SLC25A31: variants seen among roughly 807,000 people sequenced by gnomAD.
SLC25A31 encodes the protein ADP/ATP translocase 4.
SLC25A31 carries 40 observed loss-of-function variants against 36.2 expected under a neutral mutation model. That is an observed-to-expected ratio of 1.10 (90% CI 0.86 to 1.44). The LOEUF (loss-of-function observed/expected upper bound fraction) is 1.44. Ranked by LOEUF, SLC25A31 falls within the 40% of genes most tolerant of loss-of-function variation. The probability of loss-of-function intolerance (pLI) is 0.00; values close to 1 mark genes in which losing one functional copy is unlikely to be tolerated. For synonymous variants in SLC25A31, 143 were observed against 149.7 expected, an observed-to-expected ratio of 0.96 and a Z score of 0.32; for missense variants, 350 against 397.1, an observed-to-expected ratio of 0.88 and a Z score of 1.01.
In SLC25A31 at chr4:127,730,522, C is replaced by A; in HGVS notation, c.-24C>A. ...CCGTACTCATTTTTAGCCACTGCTGCCGGTTTTTATATCCTTCTCCATCAT... is the reference window on the plus strand; with the variant it reads ...CCGTACTCATTTTTAGCCACTGCTGACGGTTTTTATATCCTTCTCCATCAT... On this transcript the variant is annotated 5_prime_UTR_variant, in exon 1 of 6. It introduces an in-frame stop codon into an upstream open reading frame of the 5' UTR. Coordinates refer to ENST00000281154, the MANE Select transcript of SLC25A31 (RefSeq NM_031291.4). The A allele has an allele frequency of 6.2e-7, 1 of 1,604,444 alleles. No homozygotes were observed. Among genetic ancestry groups the A allele is most frequent in the Non-Finnish European group, 8.5e-7 (1 of 1,171,924 alleles).
chr4:127,759,225 T>TG (rs535572823), intron 2 of SLC25A31, among the ~76,000 whole-genome samples: 1 of 152,018 alleles, frequency 6.6e-6, no homozygotes, highest in Non-Finnish European at 1.5e-5. Flanking sequence ...TTTTTTTTTT[T>TG]TGTGGCTACT....
intron 2 of SLC25A31, among the ~76,000 whole-genome samples, chr4:127,755,255 T>A (rs1407877565): frequency 6.6e-6 from 1 of 152,084 alleles, no homozygotes; most frequent in African/African-American, 2.4e-5. Flanking sequence ...GCACAAGTAA[T>A]AAAAGCAAAA....
chr4:127,737,491 T>C (rs1331842650), intron 1 of SLC25A31, among the ~76,000 whole-genome samples: 3 of 152,210 alleles, frequency 2.0e-5, no homozygotes, highest in Admixed American at 2.0e-4. Flanking sequence ...CCAGATGTCT[T>C]TATCATTAAA....
chr4:127,737,243 T>A (rs2148753289), intron 1 of SLC25A31, among the ~76,000 whole-genome samples: 1 of 152,352 alleles, frequency 6.6e-6, no homozygotes, highest in African/African-American at 2.4e-5. Flanking sequence ...TGAGATTTTA[T>A]ATTTTTTCTG....
chr4:127,752,011 C>T (rs1206447633), intron 2 of SLC25A31, among the ~76,000 whole-genome samples: 6 of 152,120 alleles, frequency 3.9e-5, no homozygotes, highest in Admixed American at 1.3e-4. Flanking sequence ...GACAGTGTGG[C>T]GATTCCTCAA....
chr4:127,730,806 C>T (rs774556768), intron 1 of SLC25A31, 29 bp downstream of exon 1: 1 of 1,582,990 alleles, frequency 6.3e-7, no homozygotes, highest in South Asian at 1.1e-5. Flanking sequence ...CCCCGACAGC[C>T]TCTCCCGGCG....
chr4:127,735,203 T>C (rs1240535025), intron 1 of SLC25A31, among the ~76,000 whole-genome samples: 1 of 152,190 alleles, frequency 6.6e-6, no homozygotes, highest in East Asian at 1.9e-4. Flanking sequence ...GACAGTCTAA[T>C]TGGACCTGAG....
rs577437631 is a variant in SLC25A31, at chr4:127,770,365, G to A, written c.759+1488G>A. On this transcript the variant is annotated intron_variant, in intron 5 of 5. Transcript: ENST00000281154. ...ACTTGAGCCAGGCACTGTGGCTCAC[G>A]CCTGTAATCCCAACACTTTGGGAGG... Among the ~76,000 whole-genome samples, 5 of 152,258 alleles carry A rather than the reference G, an allele frequency of 3.3e-5. No homozygotes were observed. In the East Asian group the frequency reaches 7.7e-4, roughly 23 times the overall value.
At chr4:127,747,587 T>C (rs1293434255) in intron 2 of SLC25A31, among the ~76,000 whole-genome samples, 1 of 152,218 alleles carries the variant, frequency 6.6e-6, no homozygotes, top group Non-Finnish European at 1.5e-5. Flanking sequence ...CTCTGATCCC[T>C]AGTTTCCTCT....
intron 3 of SLC25A31, among the ~76,000 whole-genome samples, chr4:127,764,721 C>T (rs576115746): frequency 7.9e-5 from 12 of 152,218 alleles, no homozygotes; most frequent in South Asian, 6.2e-4. Flanking sequence ...CCCTTTGCCT[C>T]TATCCTTACT....
intron 4 of SLC25A31, among the ~76,000 whole-genome samples, chr4:127,768,390 C>T (rs1056591348): frequency 1.3e-5 from 2 of 151,950 alleles, no homozygotes; most frequent in Non-Finnish European, 2.9e-5. Flanking sequence ...TAAAGCTGCC[C>T]ATCAAATATG....
intron 1 of SLC25A31, 83 bp downstream of exon 1, chr4:127,730,860 G>A (rs1731511221): frequency 7.7e-7 from 1 of 1,303,598 alleles, no homozygotes; most frequent in Non-Finnish European, 1.1e-6. Context: ...GGAGGGGCAT[G>A]ATTGTGGGCC....
rs773420489 is a variant in SLC25A31 at position 127,730,633 on chromosome 4, G to A, written c.88G>A (p.Ala30Thr). 4 of 1,613,974 alleles carry A rather than the reference G, an allele frequency of 2.5e-6. No individual in the cohort carries two copies. Among genetic ancestry groups the A allele is most frequent in the East Asian group, 2.2e-5 (1 of 44,884 alleles). The change falls in exon 1 of 6, where the codon GCG becomes ACG. Residue 30 changes from alanine (A) to threonine (T), a missense_variant. Coordinates refer to ENST00000281154, the MANE Select transcript of SLC25A31 (RefSeq NM_031291.4). Reference sequence around the variant, plus strand: ...GAAGGACCTTCTGGCCGGCGGAGTCGCGGCAGCTGTGTCCAAGACAGCGGT... The same window carrying A: ...GAAGGACCTTCTGGCCGGCGGAGTCACGGCAGCTGTGTCCAAGACAGCGGT... ...FGKDLLAGGV[A>T]AAVSKTAVAP...
chr4:127,739,893 A>G (rs940787780), intron 1 of SLC25A31, among the ~76,000 whole-genome samples: 5 of 151,748 alleles, frequency 3.3e-5, no homozygotes, highest in African/African-American at 1.2e-4. Flanking sequence ...GTATTTTGAA[A>G]TTTCTTAAGT....
At chr4:127,757,234 A>G (rs944539488) in intron 2 of SLC25A31, among the ~76,000 whole-genome samples, 10 of 152,174 alleles carry the variant, frequency 6.6e-5, no homozygotes, top group African/African-American at 1.9e-4. Flanking sequence ...GAACCCATCA[A>G]CCAAATAGTC....
chr4:127,773,515 G>A lies in SLC25A31; in HGVS notation c.889G>A (p.Val297Met). Residue 297 changes from valine to methionine, a missense_variant, in exon 6 of 6, where the codon GTG becomes ATG. By Grantham distance (21) the Val-to-Met change is conservative. Transcript: ENST00000281154. ...TCTTCGCGGTACAGGGGGTGCTTTG[G>A]TGTTGGTATTATATGATAAAATTAA... ...NVLRGTGGALVLVLYDKIKEF... is the reference protein window; with the variant it reads ...NVLRGTGGALMLVLYDKIKEF... 1.2e-6 allele frequency: 2 copies of A among 1,612,376 alleles called. No homozygotes were observed. Among genetic ancestry groups the A allele is most frequent in the Non-Finnish European group, 1.7e-6 (2 of 1,179,440 alleles).
intron 2 of SLC25A31, among the ~76,000 whole-genome samples, chr4:127,748,697 C>A (rs1191564306): frequency 1.3e-5 from 2 of 152,202 alleles, no homozygotes; most frequent in Non-Finnish European, 2.9e-5. Context: ...CCAGCAGCAG[C>A]CATGTGACTT....
intron 2 of SLC25A31, among the ~76,000 whole-genome samples, chr4:127,753,988 T>C (rs1731984275): frequency 6.6e-6 from 1 of 152,182 alleles, no homozygotes; most frequent in Non-Finnish European, 1.5e-5. Flanking sequence ...GATTTATTCC[T>C]GAGAAATAAG....
Position 127,767,163 on chromosome 4 carries a change from A to T in SLC25A31, c.576A>T (p.Ser192=), listed in dbSNP as rs747717670. The T allele has an allele frequency of 3.1e-6, 5 of 1,613,778 alleles. No individual in the cohort carries two copies. Among genetic ancestry groups the T allele is most frequent in the Non-Finnish European group, 4.2e-6 (5 of 1,179,808 alleles). The change falls in exon 4 of 6, where the codon TCA becomes TCT. Residue 192 remains serine, a synonymous_variant. Transcript: ENST00000281154. ...GTTTATACCAAGGGTTTGGTGTTTC[A>T]GTACAGGGCATCATTGTGTACCGAG... ...IAGLYQGFGV[S]VQGIIVYRAS...
Sources: gnomAD v4.1 joint callset for allele counts (sites outside exome capture counted in the v4.1 genomes callset) on GRCh38, gnomAD v4.1.1 for gene constraint, MANE v1.5 for transcripts, NCBI Gene and HGNC (gene_info 2026-07-23, HGNC 2026-07-21) for gene names.